Variants in EPHA10 observed in about 807,000 individuals in gnomAD.
EPHA10 encodes EPH receptor A10.
EPHA10 carries 120 observed loss-of-function variants against 109.7 expected under a neutral mutation model. The ratio of observed to expected loss-of-function variants is 1.09; its 90% confidence interval spans 0.94 to 1.27. The LOEUF is 1.27. Among genes scored for constraint, EPHA10 ranks in the 50% most tolerant of loss-of-function variants. The pLI is 0.00. For synonymous variants in EPHA10, 640 were observed against 618.9 expected (o/e 1.03, Z -0.51); for missense variants, 1,396 against 1,411.1 (o/e 0.99, Z 0.17).
At chr1:37,713,972 T>C (rs1378278072), downstream of EPHA10, 3 of 152,198 alleles carry the variant, frequency 2.0e-5, no homozygotes, top group Admixed American at 6.5e-5. Flanking sequence ...TGGCACAACA[T>C]AGTTGGCTGT....
intron 3 of EPHA10, among the ~76,000 whole-genome samples, chr1:37,758,744 G>A (rs72661807): frequency 0.21 from 32,152 of 151,964 alleles, 4,241 homozygotes; most frequent in Non-Finnish European, 0.28. Flanking sequence ...CGTTCTCCTG[G>A]TCTGTCCCAA....
chr1:37,746,980 G>A (rs1005668547), intron 5 of EPHA10, among the ~76,000 whole-genome samples: 1 of 152,244 alleles, frequency 6.6e-6, no homozygotes, highest in African/African-American at 2.4e-5. Context: ...GGAATGGTGA[G>A]TGACTAATGG....
chr1:37,753,302 G>T lies in EPHA10; in HGVS notation c.1007-76C>A, dbSNP rs948952190. On this transcript the variant is annotated intron_variant, in intron 4 of 16. Coordinates refer to ENST00000373048, the MANE Select transcript of EPHA10 (RefSeq NM_001099439.2). ...AGAGGGGCGGGATGCACGAGGGGGG[G>T]GCGGGGTCTTGTCCACCCCCAGTGA... The T allele has an allele frequency of 4.3e-6, 4 of 939,360 alleles. No homozygotes were observed. In the African/African-American group the frequency reaches 5.2e-5, roughly 12 times the overall value. The allele number at this position is 939,360 out of a possible 1,614,324, so 58.2% of individuals were successfully genotyped here.
At chr1:37,745,907 C>T (rs972879440) in intron 5 of EPHA10, among the ~76,000 whole-genome samples, 4 of 151,972 alleles carry the variant, frequency 2.6e-5, no homozygotes, top group African/African-American at 9.7e-5. Context: ...CTTTGGCTTT[C>T]ATAACAAAAA....
chr1:37,718,844 C>T lies in EPHA10; in HGVS notation c.2757-28G>A, dbSNP rs748066144. On this transcript the variant is annotated intron_variant, in intron 15 of 16. Transcript: ENST00000373048. Reference sequence around the variant, plus strand: ...GCGGGTCAGAGGAGCTGTGCTCAACCGACAGCTGGGATCTGGGCCCACACC... The same window carrying T: ...GCGGGTCAGAGGAGCTGTGCTCAACTGACAGCTGGGATCTGGGCCCACACC... The T allele has an allele frequency of 1.6e-5, 25 of 1,583,666 alleles. 1 individual carries two copies. The highest frequency in any genetic ancestry group is 1.9e-4 in the Middle Eastern group (1 of 5,350).
intron 8 of EPHA10, among the ~76,000 whole-genome samples, chr1:37,723,797 C>T (rs1439182160): frequency 1.3e-5 from 2 of 152,256 alleles, no homozygotes; most frequent in African/African-American, 2.4e-5. Flanking sequence ...CTCACCAGTG[C>T]TGGCAAAGGA....
rs369904335 is a variant in EPHA10, at chr1:37,754,901, G to A, written c.851-531C>T. Among the ~76,000 whole-genome samples, 3 of 151,978 alleles carry A rather than the reference G, an allele frequency of 2.0e-5. No individual in the cohort carries two copies. The highest frequency in any genetic ancestry group is 2.4e-5 in the African/African-American group (1 of 41,372). On this transcript the variant is annotated intron_variant, in intron 3 of 16. Transcript: ENST00000373048. This position sits in a 1 kb window ranked among gnomAD's most constrained non-coding sequence, Gnocchi z 4.5. ...CAACCCCCACCTCCCAGGTTTAAGC[G>A]ATTCTCCTGCCTCAGCCTCCTGAGT... is the stretch of plus-strand genomic sequence containing the variant.
At chr1:37,729,540 T>A (rs906969165) in intron 7 of EPHA10, among the ~76,000 whole-genome samples, 1 of 151,872 alleles carries the variant, frequency 6.6e-6, no homozygotes, top group African/African-American at 2.4e-5. Flanking sequence ...CTGAGCAACA[T>A]AGCAAGATTC....
chr1:37,743,338 A>C (rs2148348847), intron 5 of EPHA10, among the ~76,000 whole-genome samples: 1 of 152,292 alleles, frequency 6.6e-6, no homozygotes, highest in African/African-American at 2.4e-5. Context: ...TATGTACAGA[A>C]GGTCATAAGG....
chr1:37,722,176 C>G (rs1569633370), intron 10 of EPHA10: 2 of 247,900 alleles, frequency 8.1e-6, no homozygotes, highest in East Asian at 2.1e-4. Context: ...CAGCTTAAAT[C>G]CTGGTAAACT....
At chr1:37,723,434 C>T (rs1645835700) in intron 8 of EPHA10, 62 bp from the exon 9 acceptor site, 1 of 1,567,850 alleles carries the variant, frequency 6.4e-7, no homozygotes, top group Admixed American at 1.7e-5. Flanking sequence ...CATTACAGAG[C>T]ACTGAGGGCA....
intron 8 of EPHA10, among the ~76,000 whole-genome samples, chr1:37,725,211 G>A (rs1334680253): frequency 1.3e-5 from 2 of 152,104 alleles, no homozygotes; most frequent in African/African-American, 2.4e-5. Context: ...ACTGGATTAA[G>A]TATTGGGGTG....
intron 5 of EPHA10, among the ~76,000 whole-genome samples, chr1:37,747,238 G>C (rs1646254050): frequency 6.6e-6 from 1 of 152,092 alleles, no homozygotes; most frequent in Non-Finnish European, 1.5e-5. Flanking sequence ...AAATAACTAA[G>C]CACTGAACTT....
intron 3 of EPHA10, among the ~76,000 whole-genome samples, chr1:37,755,028 G>A (rs1646381651): frequency 6.6e-6 from 1 of 152,034 alleles, no homozygotes; most frequent in Non-Finnish European, 1.5e-5. Context: ...TCGAACTCCT[G>A]GCCTCAAGTG....
downstream of EPHA10, chr1:37,715,018 A>C (rs1348581836): frequency 6.6e-6 from 1 of 152,028 alleles, no homozygotes; most frequent in Non-Finnish European, 1.5e-5. Context: ...CTCCTCTTTC[A>C]CTTGATTTCT....
At chr1:37,759,382 G>A (rs1238780357) in intron 3 of EPHA10, among the ~76,000 whole-genome samples, 2 of 152,078 alleles carry the variant, frequency 1.3e-5, no homozygotes, top group East Asian at 3.9e-4. Flanking sequence ...CCTTCTGCAT[G>A]CAATTCCTAA....
rs1645736183 is a variant in EPHA10, at chr1:37,718,801, T to C, written c.2772A>G (p.Leu924=). ...LTTCPRPPTP[L]ADRAFSTFPS... ...GGAAGGTGGAGAAGGCACGGTCCGC[T>C]AGTGGGGTGGGAGGCCTGCGGGTCA... The change falls in exon 16 of 17, where the codon CTA becomes CTG. Residue 924 remains leucine (L), a synonymous_variant. Transcript: ENST00000373048. 16 of 1,611,710 alleles carry C rather than the reference T, an allele frequency of 9.9e-6. No homozygotes were observed. Among genetic ancestry groups the C allele is most frequent in the Non-Finnish European group, 1.4e-5 (16 of 1,179,426 alleles).
intron 5 of EPHA10, among the ~76,000 whole-genome samples, chr1:37,737,669 A>G (rs921536265): frequency 6.6e-6 from 1 of 152,244 alleles, no homozygotes; most frequent in African/African-American, 2.4e-5. Context: ...AGAAGAAAAC[A>G]CAGGGGAAAA....
intron 5 of EPHA10, among the ~76,000 whole-genome samples, chr1:37,745,777 G>A (rs1333675634): frequency 2.0e-5 from 3 of 152,194 alleles, no homozygotes; most frequent in African/African-American, 2.4e-5. Context: ...TTGAACCTGG[G>A]AAGCGGAGGT....
Sources: gnomAD v4.1 joint callset for allele counts (sites outside exome capture counted in the v4.1 genomes callset) on GRCh38, gnomAD v4.1.1 for gene constraint, Gnocchi (gnomAD v3.1) non-coding constraint, MANE v1.5 for transcripts, NCBI Gene and HGNC (gene_info 2026-07-23, HGNC 2026-07-21) for gene names.